The following CEP112 variants were observed in gnomAD, a reference collection of about 807,000 sequenced individuals.
CEP112 encodes centrosomal protein of 112 kDa.
Under a neutral mutation model 153.0 loss-of-function variants are expected in CEP112, and 127 were observed. The observed-to-expected ratio is 0.83, with a 90% CI of 0.72 to 0.96. The LOEUF is 0.96. Among genes scored for constraint, CEP112 ranks in the 40% least tolerant of loss-of-function variants. The probability of loss-of-function intolerance (pLI) is 0.00; values close to 1 mark genes in which losing one functional copy is unlikely to be tolerated. For missense variants in CEP112, 1,089 were observed against 1,101.2 expected (o/e 0.99, Z 0.16); for synonymous variants, 358 against 374.4 (o/e 0.96, Z 0.51).
chr17:65,648,852 A>G (rs1598188455), intron 24 of CEP112, among the ~76,000 whole-genome samples: 1 of 152,124 alleles, frequency 6.6e-6, no homozygotes, highest in East Asian at 1.9e-4. Flanking sequence ...GGAGTTCAAG[A>G]CCAGCCTAGC....
At chr17:65,907,014 G>A (rs1329469455) in intron 19 of CEP112, among the ~76,000 whole-genome samples, 1 of 152,154 alleles carries the variant, frequency 6.6e-6, no homozygotes, top group African/African-American at 2.4e-5. Flanking sequence ...CAGAAATATT[G>A]GGAGAAGGGA....
chr17:65,949,454 G>T (rs1474064959), intron 18 of CEP112, among the ~76,000 whole-genome samples: 1 of 152,214 alleles, frequency 6.6e-6, no homozygotes, highest in African/African-American at 2.4e-5. Flanking sequence ...TAGACAGACA[G>T]ATCAGGCCTG....
chr17:65,750,074 C>T (rs185358012), intron 22 of CEP112, among the ~76,000 whole-genome samples: 1 of 152,254 alleles, frequency 6.6e-6, no homozygotes, highest in Admixed American at 6.5e-5. Context: ...CTCTGAGCAT[C>T]ATATTTCAAA....
intron 21 of CEP112, among the ~76,000 whole-genome samples, chr17:65,768,882 G>A (rs1598519662): frequency 6.6e-6 from 1 of 152,192 alleles, no homozygotes; most frequent in East Asian, 1.9e-4. Flanking sequence ...ATAAGGTAAG[G>A]ATGCCAACTC....
chr17:65,699,912 C>T (rs185408574), intron 23 of CEP112, among the ~76,000 whole-genome samples: 3 of 152,204 alleles, frequency 2.0e-5, no homozygotes, highest in Admixed American at 2.0e-4. Flanking sequence ...GAGACTTGTT[C>T]TCTGCAAGGT....
chr17:66,002,824 T>C (rs1402047833), intron 17 of CEP112, among the ~76,000 whole-genome samples: 1 of 152,180 alleles, frequency 6.6e-6, no homozygotes, highest in Non-Finnish European at 1.5e-5. Flanking sequence ...ATGAAAGAAA[T>C]AATAACTACA....
At chr17:65,876,293 G>A (rs2058822950) in intron 20 of CEP112, among the ~76,000 whole-genome samples, 1 of 152,166 alleles carries the variant, frequency 6.6e-6, no homozygotes, top group African/African-American at 2.4e-5. Context: ...ATCCTTGCAT[G>A]CTTGTAACGT....
At chr17:66,037,822 C>T (rs2065801017) in intron 12 of CEP112, among the ~76,000 whole-genome samples, 1 of 152,070 alleles carries the variant, frequency 6.6e-6, no homozygotes, top group Non-Finnish European at 1.5e-5. Context: ...CCAAACTTTA[C>T]TGGTTTGTCA....
intron 21 of CEP112, among the ~76,000 whole-genome samples, chr17:65,761,315 T>C (rs1262706928): frequency 6.6e-6 from 1 of 152,034 alleles, no homozygotes; most frequent in African/African-American, 2.4e-5. Flanking sequence ...GGTCTCACTA[T>C]GTTGCTCAGG....
chr17:65,675,599 C>CT (rs1169005828), intron 24 of CEP112, among the ~76,000 whole-genome samples: 1 of 151,694 alleles, frequency 6.6e-6, no homozygotes, highest in Non-Finnish European at 1.5e-5. Flanking sequence ...GGCCAGCAAA[C>CT]TTTAACACCA....
intron 23 of CEP112, among the ~76,000 whole-genome samples, chr17:65,717,099 T>A (rs1034681620): frequency 3.9e-5 from 6 of 152,270 alleles, no homozygotes; most frequent in African/African-American, 1.4e-4. Flanking sequence ...TTCCATTTTT[T>A]AAAATTCCTA....
At chr17:65,669,973 G>T (rs2046901102) in intron 24 of CEP112, among the ~76,000 whole-genome samples, 1 of 151,772 alleles carries the variant, frequency 6.6e-6, no homozygotes, top group African/African-American at 2.4e-5. Flanking sequence ...ATTAACCTTG[G>T]GAATCTCTTC....
rs984638977 is a variant in CEP112, at chr17:65,658,588, T to G, written c.2698-17523A>C. Among the ~76,000 whole-genome samples the G allele has an allele frequency of 3.2e-4, 49 of 151,996 alleles. 1 individual carries two copies. The highest frequency in any genetic ancestry group is 7.1e-4 in the Non-Finnish European group (48 of 68,008). ...TTTGGGGGTTTGCATTTACTTAGTT[T>G]GAGGAGCAGAGGAAACATTCATAAG... On this transcript the variant is annotated intron_variant, in intron 24 of 26. Coordinates refer to ENST00000535342, the MANE Select transcript of CEP112 (RefSeq NM_001199165.4).
At chr17:65,688,748 AC>A (rs2047941297) in intron 24 of CEP112, 1 of 159,178 alleles carries the variant, frequency 6.3e-6, no homozygotes, top group African/African-American at 2.4e-5. Context: ...AAGCATCTTA[AC>A]TGAAACAGGC....
intron 17 of CEP112, among the ~76,000 whole-genome samples, chr17:65,983,644 C>T (rs2063305398): frequency 6.6e-6 from 1 of 152,190 alleles, no homozygotes; most frequent in Admixed American, 6.5e-5. Flanking sequence ...ACCTACTCCC[C>T]CTCCACCTTC....
At chr17:66,018,764 A>G (rs1430923611) in intron 16 of CEP112, among the ~76,000 whole-genome samples, 1 of 152,200 alleles carries the variant, frequency 6.6e-6, no homozygotes. Flanking sequence ...TAGACTTCGT[A>G]TCTCATTTGT....
intron 21 of CEP112, among the ~76,000 whole-genome samples, chr17:65,835,199 A>AG (rs1200082861): frequency 6.6e-6 from 1 of 151,720 alleles, no homozygotes; most frequent in African/African-American, 2.4e-5. Flanking sequence ...AAAGTAAAAA[A>AG]AAAAAAAAAA....
intron 1 of CEP112, among the ~76,000 whole-genome samples, chr17:66,184,940 A>T (rs1452255085): frequency 6.6e-6 from 1 of 152,140 alleles, no homozygotes; most frequent in Non-Finnish European, 1.5e-5. Context: ...CAAAACATGG[A>T]AACTTCAAAT....
chr17:65,906,390 A>G (rs1184042006), intron 19 of CEP112, among the ~76,000 whole-genome samples: 2 of 152,172 alleles, frequency 1.3e-5, no homozygotes, highest in African/African-American at 2.4e-5. Context: ...CAGGTTCTGC[A>G]CATGGATCCC....
Sources: gnomAD v4.1 joint callset for allele counts (sites outside exome capture counted in the v4.1 genomes callset) on GRCh38, gnomAD v4.1.1 for gene constraint, MANE v1.5 for transcripts, NCBI Gene and HGNC (gene_info 2026-07-23, HGNC 2026-07-21) for gene names.